The following GRIK2 variants were observed in gnomAD, a reference collection of about 807,000 sequenced individuals.
GRIK2 encodes glutamate ionotropic receptor kainate type subunit 2.
A neutral mutation model predicts 100.3 loss-of-function variants in GRIK2; 32 were observed. That is an observed-to-expected ratio of 0.32 (90% CI 0.24 to 0.43). GRIK2 has a LOEUF of 0.43. Among genes scored for constraint, GRIK2 ranks in the 20% least tolerant of loss-of-function variants. GRIK2 has a pLI of 1.00. For synonymous variants in GRIK2, 417 were observed against 389.4 expected, an observed-to-expected ratio of 1.07 and a Z score of -0.83; for missense variants, 843 against 1,114.9, an observed-to-expected ratio of 0.76 and a Z score of 3.47.
Position 101,782,696 on chromosome 6 carries a change from G to T in GRIK2, c.952-16952G>T, listed in dbSNP as rs531370204. On this transcript the variant is annotated intron_variant, in intron 7 of 16. Transcript: ENST00000369134. Reference sequence around the variant, plus strand: ...AGTGCATGTATCCCTTTGATATACTGATTTCCTTTCCTTTGGATACATACC... The same window carrying T: ...AGTGCATGTATCCCTTTGATATACTTATTTCCTTTCCTTTGGATACATACC... Among the ~76,000 whole-genome samples, 6 of 152,118 alleles carry T rather than the reference G, an allele frequency of 3.9e-5. No individual in the cohort carries two copies. The East Asian group carries it at 1.2e-3, about 29-fold the overall frequency.
At chr6:101,768,117 C>T (rs1293409674) in intron 7 of GRIK2, among the ~76,000 whole-genome samples, 1 of 152,010 alleles carries the variant, frequency 6.6e-6, no homozygotes, top group Non-Finnish European at 1.5e-5. Flanking sequence ...TCTTGGCCTC[C>T]CAAAGTGCTG....
At chr6:101,555,276 T>C (rs932043875) in intron 2 of GRIK2, among the ~76,000 whole-genome samples, 6 of 152,184 alleles carry the variant, frequency 3.9e-5, no homozygotes, top group African/African-American at 1.4e-4. Context: ...AGAGGTGTGC[T>C]GTGCCGGGAA....
At chr6:101,983,001 A>G (rs1026428163) in intron 14 of GRIK2, among the ~76,000 whole-genome samples, 2 of 151,864 alleles carry the variant, frequency 1.3e-5, no homozygotes, top group African/African-American at 4.8e-5. Flanking sequence ...AAAAGATGGA[A>G]TCCATATATT....
intron 2 of GRIK2, among the ~76,000 whole-genome samples, chr6:101,498,555 C>T (rs1345528779): frequency 6.7e-6 from 1 of 149,984 alleles, no homozygotes; most frequent in Non-Finnish European, 1.5e-5. Context: ...TGAATGCTTG[C>T]CATTCTAACT....
At chr6:101,845,679 G>T (rs1211855034) in intron 10 of GRIK2, among the ~76,000 whole-genome samples, 2 of 152,142 alleles carry the variant, frequency 1.3e-5, no homozygotes, top group East Asian at 3.9e-4. Context: ...ATATACCTAA[G>T]AATAGCATTG....
chr6:102,068,869 G>C lies in GRIK2; in HGVS notation c.*358G>C. The C allele has an allele frequency of 5.6e-6, 1 of 179,858 alleles. No homozygotes were observed. The highest frequency in any genetic ancestry group is 5.8e-5 in the Admixed American group (1 of 17,246). 11.1% of individuals were successfully genotyped at this position (179,858 alleles called of 1,614,324 possible). A position where few individuals can be genotyped will look rare whatever the true frequency, so the allele number is the denominator to read the frequency against. On this transcript the variant is annotated 3_prime_UTR_variant, in exon 17 of 17. Coordinates refer to ENST00000369134, the MANE Select transcript of GRIK2 (RefSeq NM_021956.5). Reference sequence around the variant, plus strand: ...GGAGATGGAATATCAATGCCCAACAGGGCAACCAATAAAAGTGTCACTAAG... The same window carrying C: ...GGAGATGGAATATCAATGCCCAACACGGCAACCAATAAAAGTGTCACTAAG...
intron 7 of GRIK2, among the ~76,000 whole-genome samples, chr6:101,730,974 A>G (rs1258614638): frequency 6.6e-6 from 1 of 151,984 alleles, no homozygotes; most frequent in Non-Finnish European, 1.5e-5. Context: ...TTAGTCGTCA[A>G]AGTGATATCA....
intron 2 of GRIK2, among the ~76,000 whole-genome samples, chr6:101,459,804 C>T (rs1455559729): frequency 1.3e-5 from 2 of 149,634 alleles, no homozygotes; most frequent in Admixed American, 6.7e-5. Flanking sequence ...AGACAGAGTT[C>T]GACTCTTGTT....
At position 101,626,321 on chromosome 6, in the gene GRIK2, T is replaced by A. The variant is rs975067759; in HGVS notation, c.284-59T>A. 2.8e-6 allele frequency: 4 copies of A among 1,420,678 alleles called. No individual in the cohort carries two copies. The African/African-American group carries it at 5.7e-5, about 20-fold the overall frequency. The allele number at this position is 1,420,678 out of a possible 1,614,324, so 88.0% of individuals were successfully genotyped here. ...TTGGGTTTAAAATAATAATGTGGTA[T>A]CTGTTGGCACACTGGCACCTCTCCT... On this transcript the variant is annotated intron_variant, in intron 3 of 16. Coordinates refer to ENST00000369134, the MANE Select transcript of GRIK2 (RefSeq NM_021956.5).
chr6:101,970,935 C>T (rs1241286122), intron 14 of GRIK2, among the ~76,000 whole-genome samples: 1 of 150,722 alleles, frequency 6.6e-6, no homozygotes, highest in Non-Finnish European at 1.5e-5. Context: ...AATTAATCTT[C>T]TGTTTTTATA....
chr6:102,020,382 G>C (rs1769363066), intron 14 of GRIK2, among the ~76,000 whole-genome samples: 2 of 151,800 alleles, frequency 1.3e-5, no homozygotes, highest in Non-Finnish European at 2.9e-5. Flanking sequence ...ATACATCATG[G>C]GCAAGTAGAA....
At chr6:101,588,073 C>T (rs1778461240) in intron 2 of GRIK2, among the ~76,000 whole-genome samples, 1 of 152,048 alleles carries the variant, frequency 6.6e-6, no homozygotes, top group Admixed American at 6.6e-5. Context: ...GCATTCTCAG[C>T]TCTTTGTGTT....
chr6:101,978,629 G>T (rs897417242), intron 14 of GRIK2, among the ~76,000 whole-genome samples: 12 of 151,860 alleles, frequency 7.9e-5, no homozygotes, highest in African/African-American at 2.9e-4. Context: ...CAACTTCCCT[G>T]TGTTTTTTTC....
At chr6:101,751,262 T>A (rs930601103) in intron 7 of GRIK2, among the ~76,000 whole-genome samples, 8 of 151,978 alleles carry the variant, frequency 5.3e-5, no homozygotes, top group Admixed American at 1.3e-4. Context: ...CTTTTTTTTT[T>A]ATTTTTACTT....
Position 101,760,604 on chromosome 6 carries a change from A to ATTTAATTGTATGTT in GRIK2, c.952-39043_952-39042insTTAATTGTATGTTT, listed in dbSNP as rs1554259487. Among the ~76,000 whole-genome samples the ATTTAATTGTATGTT allele has an allele frequency of 8.1e-5, 5 of 62,090 alleles. 1 individual carries two copies. Among genetic ancestry groups the ATTTAATTGTATGTT allele is most frequent in the African/African-American group, 6.0e-4 (5 of 8,344 alleles). 40.7% of individuals were successfully genotyped at this position (62,090 alleles called of 152,430 possible). ...TATATATAATTATATATAATTATAT[A>ATTTAATTGTATGTT]TAATTATATTTAATTATATGTTTAA... is the stretch of plus-strand genomic sequence containing the variant. On this transcript the variant is annotated intron_variant, in intron 7 of 16. Coordinates refer to ENST00000369134, the MANE Select transcript of GRIK2 (RefSeq NM_021956.5).
chr6:101,663,296 TA>T (rs2128334883), intron 4 of GRIK2, among the ~76,000 whole-genome samples: 1 of 152,246 alleles, frequency 6.6e-6, no homozygotes, highest in African/African-American at 2.4e-5. Context: ...AACAGCAGGC[TA>T]CCTAATCAGC....
chr6:101,800,460 G>C (rs1780602189), intron 8 of GRIK2, among the ~76,000 whole-genome samples: 1 of 151,838 alleles, frequency 6.6e-6, no homozygotes, highest in South Asian at 2.1e-4. Context: ...TGTTAACTTA[G>C]AATACTTTTC....
chr6:101,958,193 T>C (rs1167457468), intron 14 of GRIK2, among the ~76,000 whole-genome samples: 5 of 151,216 alleles, frequency 3.3e-5, no homozygotes, highest in African/African-American at 7.3e-5. Flanking sequence ...TTTTCATCAA[T>C]GTTTTGTATT....
intron 5 of GRIK2, among the ~76,000 whole-genome samples, chr6:101,678,008 C>A (rs1770967663): frequency 6.6e-6 from 1 of 152,118 alleles, no homozygotes; most frequent in African/African-American, 2.4e-5. Flanking sequence ...AAGATTACTA[C>A]TGAACTCTAG....
Sources: gnomAD v4.1 joint callset for allele counts (sites outside exome capture counted in the v4.1 genomes callset) on GRCh38, gnomAD v4.1.1 for gene constraint, MANE v1.5 for transcripts, NCBI Gene and HGNC (gene_info 2026-07-23, HGNC 2026-07-21) for gene names.